The following NDUFA8 variants were observed in gnomAD, a reference collection of about 807,000 sequenced individuals.
The protein encoded by NDUFA8 is NADH:ubiquinone oxidoreductase subunit A8, also known as NADH dehydrogenase [ubiquinone] 1 alpha subcomplex subunit 8.
NDUFA8 carries 16 observed loss-of-function variants against 20.9 expected under a neutral mutation model. The ratio of observed to expected loss-of-function variants is 0.77; its 90% CI spans 0.52 to 1.16. The LOEUF is 1.16. Ranked by LOEUF, NDUFA8 falls within the 50% of genes most tolerant of loss-of-function variation. The pLI, the probability that NDUFA8 is intolerant of heterozygous loss-of-function variation, is 0.00. For synonymous variants in NDUFA8, 70 were observed against 76.1 expected, an observed-to-expected ratio of 0.92 and a Z score of 0.41; for missense variants, 202 against 216.4, an observed-to-expected ratio of 0.93 and a Z score of 0.42.
chr9:122,137,589 C>T, the NDUFA8 span, among the ~76,000 whole-genome samples: 1 of 152,180 alleles, frequency 6.6e-6, no homozygotes, highest in African/African-American at 2.4e-5. Context: ...AGAATCTCTT[C>T]CATATCTTGT....
the NDUFA8 span, among the ~76,000 whole-genome samples, chr9:122,136,477 T>C: frequency 1.3e-5 from 2 of 152,352 alleles, no homozygotes; most frequent in African/African-American, 4.8e-5. Context: ...TTCTAATTGC[T>C]GTTGAGGTTA....
At chr9:122,158,968 T>G (rs1829128791) in intron 1 of NDUFA8, among the ~76,000 whole-genome samples, 1 of 152,162 alleles carries the variant, frequency 6.6e-6, no homozygotes, top group Admixed American at 6.5e-5. Context: ...CAGCACTAAC[T>G]ACATTGTACT....
At chr9:122,137,779 T>G in the NDUFA8 span, among the ~76,000 whole-genome samples, 1 of 152,238 alleles carries the variant, frequency 6.6e-6, no homozygotes, top group African/African-American at 2.4e-5. Context: ...ATATATTTCT[T>G]GACTTGGAAA....
downstream of NDUFA8, chr9:122,144,029 G>C (rs890133845): frequency 3.1e-5 from 43 of 1,393,548 alleles, no homozygotes; most frequent in Non-Finnish European, 4.0e-5. Context: ...AGGCCAAAAG[G>C]TCACATAAAA....
downstream of NDUFA8, among the ~76,000 whole-genome samples, chr9:122,143,383 GA>G (rs999697163): frequency 6.6e-6 from 1 of 152,072 alleles, no homozygotes; most frequent in Non-Finnish European, 1.5e-5. Flanking sequence ...AATGAAAGGG[GA>G]AAAAAGACAT....
chr9:122,146,223 C>T (rs183164271), intron 3 of NDUFA8, among the ~76,000 whole-genome samples: 32 of 152,240 alleles, frequency 2.1e-4, no homozygotes, highest in Non-Finnish European at 4.4e-4. Flanking sequence ...CCTCAGCCTC[C>T]CAAAGTGCTA....
At chr9:122,148,531 C>T (rs932668838) in intron 2 of NDUFA8, among the ~76,000 whole-genome samples, 4 of 151,998 alleles carry the variant, frequency 2.6e-5, no homozygotes, top group African/African-American at 9.7e-5. Flanking sequence ...GCCTAATGCA[C>T]GCCTATTTTA....
rs776623679 is a variant in NDUFA8, at chr9:122,152,372, G to T, written c.88C>A (p.His30Asn). The T allele has an allele frequency of 1.2e-6, 2 of 1,614,062 alleles. No homozygotes were observed. Among genetic ancestry groups the T allele is most frequent in the South Asian group, 2.2e-5 (2 of 91,074 alleles). Residue 30 changes from histidine to asparagine, a missense_variant, in exon 2 of 4, where the codon CAT (histidine) becomes AAT (asparagine). Transcript: ENST00000373768. ...ISSAVLKAAAHHYGAQCDKPN... is the reference protein window; with the variant it reads ...ISSAVLKAAANHYGAQCDKPN... ...TTATCACATTGAGCTCCATAGTGATGGGCCGCAGCTTTAAGCACAGCAGAA... is the reference window on the plus strand; with the variant it reads ...TTATCACATTGAGCTCCATAGTGATTGGCCGCAGCTTTAAGCACAGCAGAA...
At chr9:122,140,072 G>C (rs1284051591), downstream of NDUFA8, among the ~76,000 whole-genome samples, 1 of 152,188 alleles carries the variant, frequency 6.6e-6, no homozygotes, top group Non-Finnish European at 1.5e-5. Context: ...ATTCCAATGT[G>C]TATCCAATGC....
chr9:122,133,857 C>T, the NDUFA8 span, among the ~76,000 whole-genome samples: 3 of 152,342 alleles, frequency 2.0e-5, no homozygotes, highest in Non-Finnish European at 2.9e-5. Context: ...CAAACAATAG[C>T]GCTGTCAGGA....
chr9:122,149,152 C>T (rs1388419206), intron 2 of NDUFA8, among the ~76,000 whole-genome samples: 1 of 152,122 alleles, frequency 6.6e-6, no homozygotes, highest in Non-Finnish European at 1.5e-5. Flanking sequence ...TGTCATACTC[C>T]AGAAATCTAG....
At chr9:122,138,991 G>A in the NDUFA8 span, among the ~76,000 whole-genome samples, 1 of 152,038 alleles carries the variant, frequency 6.6e-6, no homozygotes, top group Non-Finnish European at 1.5e-5. Flanking sequence ...CACACTGTGA[G>A]GAGACTGACT....
chr9:122,136,525 T>C, the NDUFA8 span, among the ~76,000 whole-genome samples: 1 of 152,238 alleles, frequency 6.6e-6, no homozygotes, highest in African/African-American at 2.4e-5. Context: ...TCTGATGCTC[T>C]GTTCTGCAAA....
chr9:122,132,485 TCTGGCCTTCATCTCAGG>T, the NDUFA8 span, among the ~76,000 whole-genome samples: 5 of 152,168 alleles, frequency 3.3e-5, no homozygotes, highest in East Asian at 1.9e-4. Context: ...CTGACAAGAA[TCTGGCCTTCATCTCAGG>T]CTGGAGCTGG....
chr9:122,158,918 T>C (rs546672548), intron 1 of NDUFA8, among the ~76,000 whole-genome samples: 15 of 152,118 alleles, frequency 9.9e-5, no homozygotes, highest in Non-Finnish European at 2.1e-4. Context: ...TTGATCATGT[T>C]AGCTATAATT....
chr9:122,157,803 A>G (rs1829096659), intron 1 of NDUFA8, among the ~76,000 whole-genome samples: 2 of 152,200 alleles, frequency 1.3e-5, no homozygotes, highest in Admixed American at 6.5e-5. Context: ...CTCTGAGGAA[A>G]ATAACAGTTG....
intron 3 of NDUFA8, among the ~76,000 whole-genome samples, 195 bp downstream of exon 3, chr9:122,147,917 C>A (rs1303688587): frequency 6.6e-6 from 1 of 152,184 alleles, no homozygotes; most frequent in South Asian, 2.1e-4. Context: ...TGAGCCACCA[C>A]GCCCAGCCAG....
chr9:122,135,837 C>T, the NDUFA8 span, among the ~76,000 whole-genome samples: 3 of 152,204 alleles, frequency 2.0e-5, no homozygotes, highest in Admixed American at 6.5e-5. Context: ...GACCCTCCCA[C>T]CTTGGCCTTC....
At chr9:122,153,577 A>G (rs1227511190) in intron 1 of NDUFA8, among the ~76,000 whole-genome samples, 2 of 152,124 alleles carry the variant, frequency 1.3e-5, no homozygotes, top group Non-Finnish European at 2.9e-5. Flanking sequence ...CAGCTCAGAG[A>G]GAACTGCAAA....
Sources: gnomAD v4.1 joint callset for allele counts (sites outside exome capture counted in the v4.1 genomes callset) on GRCh38, gnomAD v4.1.1 for gene constraint, MANE v1.5 for transcripts, NCBI Gene and HGNC (gene_info 2026-07-23, HGNC 2026-07-21) for gene names.